The following ADAMTS13 variants were observed in gnomAD, a reference collection of about 807,000 sequenced individuals.
ADAMTS13 encodes the protein ADAM metallopeptidase with thrombospondin type 1 motif 13, also known as A disintegrin and metalloproteinase with thrombospondin motifs 13.
In ADAMTS13, 110 loss-of-function variants were observed where a neutral mutation model predicts 155.1. The ratio of observed to expected loss-of-function variants is 0.71; its 90% CI spans 0.61 to 0.83. ADAMTS13 has a LOEUF of 0.83. ADAMTS13 is among the 40% of genes least tolerant of loss of function. The probability of loss-of-function intolerance (pLI) is 0.00; values close to 1 mark genes in which losing one functional copy is unlikely to be tolerated. For missense variants in ADAMTS13, 1,707 were observed against 1,891.7 expected, an observed-to-expected ratio of 0.90 and a Z score of 1.81; for synonymous variants, 758 against 756.4, an observed-to-expected ratio of 1.00 and a Z score of -0.03.
At chr9:133,419,887 C>T (rs587751866), upstream of ADAMTS13, among the ~76,000 whole-genome samples, 534 of 149,012 alleles carry the variant, frequency 3.6e-3, 7 homozygotes, top group Non-Finnish European at 2.9e-3. Context: ...TACAGGTGCA[C>T]GCCACCATGC....
chr9:133,448,817 G>C lies in ADAMTS13; in HGVS notation c.2861+89G>C, dbSNP rs1363111377. 2.9e-5 allele frequency: 45 copies of C among 1,530,494 alleles called. No individual in the cohort carries two copies. In the Admixed American group the frequency reaches 4.1e-4, roughly 14 times the overall value. The allele number at this position is 1,530,494 out of a possible 1,614,324, so 94.8% of individuals were successfully genotyped here. On this transcript the variant is annotated intron_variant, in intron 22 of 28. Transcript: ENST00000355699. ...GCTCCATGCCCGGTGACCTGCGGAG[G>C]GGGGCAGGTGCTGCTGGCTGTGCAC...
rs979434843 is a variant in ADAMTS13 at position 133,424,880 on chromosome 9, G to A, written c.330+402G>A. On this transcript the variant is annotated intron_variant, in intron 3 of 28. Coordinates refer to ENST00000355699, the MANE Select transcript of ADAMTS13 (RefSeq NM_139027.6). This position sits in a 1 kb window ranked among gnomAD's most constrained non-coding sequence, Gnocchi z 4.3. ...TCCCCCGCTCAGAGTGGCGAGGACA[G>A]GTCACCCGTCTGAAGTCTAAACAGA... 6.6e-6 allele frequency among the ~76,000 whole-genome samples: 1 copy of A among 152,178 alleles called. No individual in the cohort carries two copies. The highest frequency in any genetic ancestry group is 1.5e-5 in the Non-Finnish European group (1 of 68,040).
intron 14 of ADAMTS13, among the ~76,000 whole-genome samples, chr9:133,438,870 C>T (rs1008140545): frequency 6.7e-5 from 10 of 149,044 alleles, no homozygotes; most frequent in Non-Finnish European, 1.2e-4. Context: ...GCCGAGATCC[C>T]TCTGCACTCC....
intron 11 of ADAMTS13, among the ~76,000 whole-genome samples, chr9:133,435,399 G>C (rs1409929215): frequency 6.6e-6 from 1 of 151,780 alleles, no homozygotes; most frequent in Non-Finnish European, 1.5e-5. Flanking sequence ...ACGTCAGCCA[G>C]GATGGTCTGG....
intron 8 of ADAMTS13, 51 bp downstream of exon 8, chr9:133,430,152 A>C: frequency 6.5e-7 from 1 of 1,543,150 alleles, no homozygotes; most frequent in Non-Finnish European, 8.7e-7. Flanking sequence ...CCTCCGCATC[A>C]CCCAGCTCAC....
At position 133,453,073 on chromosome 9, in the gene ADAMTS13, G is replaced by T. The variant is rs111783898; in HGVS notation, c.3045-1342G>T. Among the ~76,000 whole-genome samples, 3 of 151,866 alleles carry T rather than the reference G, an allele frequency of 2.0e-5. No homozygotes were observed. In the South Asian group the frequency reaches 6.2e-4, roughly 32 times the overall value. ...GCTTGGCACTTTGGGAGGCTGAGGC[G>T]GGAGGATTGCTTGAGCCCAGGAGTT... On this transcript the variant is annotated intron_variant, in intron 23 of 28. Coordinates refer to ENST00000355699, the MANE Select transcript of ADAMTS13 (RefSeq NM_139027.6).
chr9:133,440,249 G>T lies in ADAMTS13; in HGVS notation c.1787-95G>T. 6.5e-7 allele frequency: 1 copy of T among 1,535,566 alleles called. No individual in the cohort carries two copies. The highest frequency in any genetic ancestry group is 8.9e-7 in the Non-Finnish European group (1 of 1,118,448). On this transcript the variant is annotated intron_variant, in intron 15 of 28. Transcript: ENST00000355699. The surrounding 1 kb of genome is among the most constrained non-coding windows in gnomAD (Gnocchi z 4.3). The stretch of plus-strand genomic sequence containing the variant: ...AGATGCCTGTGGCTCCTTAGAGGAG[G>T]GCTGGGGACCCCGGGAAGGAGAGTC...
rs1162114810 is a variant in ADAMTS13, at chr9:133,455,328, C to T, written c.3293C>T (p.Thr1098Ile). The T allele has an allele frequency of 1.2e-6, 2 of 1,607,988 alleles. No individual in the cohort carries two copies. The highest frequency in any genetic ancestry group is 2.2e-5 in the East Asian group (1 of 44,894). Residue 1098 changes from threonine (T) to isoleucine (I), a missense_variant, in exon 25 of 29, where the codon ACC becomes ATC. Around this residue, in one of 3 missense-constraint regions of ADAMTS13, gnomAD observed 961 missense variants for 1,107.9 expected, o/e 0.87. Transcript: ENST00000355699. The part of the protein sequence containing the change: ...CGDGIQRRRD[T>I]CLGPQAQAPV... ...GATGGCATCCAGCGCCGGCGTGACA[C>T]CTGCCTCGGACCCCAGGCCCAGGCG...
At chr9:133,458,510 C>T (rs2073937) in intron 28 of ADAMTS13, among the ~76,000 whole-genome samples, 3 of 134,806 alleles carry the variant, frequency 2.2e-5, no homozygotes, top group Non-Finnish European at 4.6e-5. Context: ...AAGCCCAGAT[C>T]GCACCACTGC....
Position 133,442,515 on chromosome 9 carries a change from C to G in ADAMTS13, c.2085C>G (p.Cys695Trp), listed in dbSNP as rs2130875779. The G allele has an allele frequency of 6.2e-7, 1 of 1,613,678 alleles. No homozygotes were observed. The highest frequency in any genetic ancestry group is 8.5e-7 in the Non-Finnish European group (1 of 1,180,028). The change falls in exon 17 of 29, where the codon TGC becomes TGG. Residue 695 changes from cysteine to tryptophan, a missense_variant. By Grantham distance (215) the Cys-to-Trp change is radical. Coordinates refer to ENST00000355699, the MANE Select transcript of ADAMTS13 (RefSeq NM_139027.6). ...TGTGGGCCGCTGTGCGTGGGCCCTG[C>G]TCGGTGAGCTGTGGGGCAGGTGAGA... ...AWVWAAVRGPCSVSCGAGLRW... is the reference protein window; with the variant it reads ...AWVWAAVRGPWSVSCGAGLRW...
chr9:133,436,778 A>ACCCC (rs1588171611), intron 11 of ADAMTS13, 51 bp from the exon 12 acceptor site: 1 of 433,946 alleles, frequency 2.3e-6, no homozygotes, highest in Non-Finnish European at 4.6e-6. Context: ...CAGTGACAAC[A>ACCCC]CCCGCCCCCC....
At chr9:133,457,091 C>T (rs1375245629) in intron 27 of ADAMTS13, 2 of 378,254 alleles carry the variant, frequency 5.3e-6, no homozygotes, top group East Asian at 1.3e-4. Context: ...TTTCAGTGCA[C>T]TGGTGTAAGC....
chr9:133,416,755 C>T (rs1484537930), intron 1 of ADAMTS13, among the ~76,000 whole-genome samples: 1 of 152,200 alleles, frequency 6.6e-6, no homozygotes, highest in Non-Finnish European at 1.5e-5. Flanking sequence ...CTTAGATGAT[C>T]TATTTAAACT....
rs200688751 is a variant in ADAMTS13 at position 133,442,391 on chromosome 9, G to T, written c.1969-8G>T. ...CACTGGACAAGGCCTGAAGCTCTTT[G>T]TCTGCAGGTTTACAGGCGGTATGGC... On this transcript the variant is annotated splice_polypyrimidine_tract_variant and splice_region_variant and intron_variant, in intron 16 of 28. Transcript: ENST00000355699. 1 of 1,613,948 alleles carries T rather than the reference G, an allele frequency of 6.2e-7. No individual in the cohort carries two copies. Among genetic ancestry groups the T allele is most frequent in the East Asian group, 2.2e-5 (1 of 44,886 alleles).
chr9:133,422,587 T>C (rs1228021820), intron 1 of ADAMTS13, 39 bp downstream of exon 1: 8 of 1,606,086 alleles, frequency 5.0e-6, no homozygotes, highest in Non-Finnish European at 6.8e-6. Flanking sequence ...TCTGGGAGCC[T>C]CTGGGTGGGG....
intron 14 of ADAMTS13, 26 bp from the exon 15 acceptor site, chr9:133,439,340 A>T: frequency 8.1e-6 from 12 of 1,480,428 alleles, no homozygotes; most frequent in Non-Finnish European, 1.1e-5. Context: ...AGGTCCACGC[A>T]TCTCTCCTTC....
upstream of ADAMTS13, chr9:133,417,959 G>A (rs1489618045): frequency 2.5e-5 from 24 of 963,380 alleles, no homozygotes; most frequent in South Asian, 1.2e-4. Flanking sequence ...ACCCACCGCA[G>A]GGACCCCGTC....
rs1411545915 is a variant in ADAMTS13 at position 133,441,097 on chromosome 9, A to G, written c.1968+572A>G. ...GAAGGCCTTGTTCAGGCGTGTCCTC[A>G]GTGACGTGTGCTCGCCCATGTATGT... On this transcript the variant is annotated intron_variant, in intron 16 of 28. Transcript: ENST00000355699. The surrounding 1 kb of genome is among the most constrained non-coding windows in gnomAD (Gnocchi z 5.0). 6.6e-6 allele frequency among the ~76,000 whole-genome samples: 1 copy of G among 152,122 alleles called. No individual in the cohort carries two copies. The highest frequency in any genetic ancestry group is 1.9e-4 in the East Asian group (1 of 5,192).
intron 1 of ADAMTS13, 122 bp downstream of exon 1, chr9:133,422,670 G>A (rs893664366): frequency 1.0e-6 from 1 of 965,492 alleles, no homozygotes; most frequent in African/African-American, 1.6e-5. Flanking sequence ...GCGCTGGGCA[G>A]GGGAGTCTGT....
Sources: gnomAD v4.1 joint callset for allele counts (sites outside exome capture counted in the v4.1 genomes callset) on GRCh38, gnomAD v4.1.1 for gene constraint, gnomAD v4.1.1 regional missense constraint, Gnocchi (gnomAD v3.1) non-coding constraint, MANE v1.5 for transcripts, NCBI Gene and HGNC (gene_info 2026-07-23, HGNC 2026-07-21) for gene names.